The following CMTM8 variants were observed in gnomAD, a reference collection of about 807,000 sequenced individuals.
CMTM8 encodes the protein CKLF like MARVEL transmembrane domain containing 8.
CMTM8 carries 12 observed loss-of-function variants against 18.6 expected under a neutral mutation model. The observed-to-expected ratio is 0.65, with a 90% CI of 0.41 to 1.05. The LOEUF is 1.05. CMTM8 is among the 50% of genes least tolerant of loss of function. CMTM8 has a pLI of 0.00. For synonymous variants in CMTM8, 87 were observed against 90.6 expected, an observed-to-expected ratio of 0.96 and a Z score of 0.23; for missense variants, 217 against 227.2, an observed-to-expected ratio of 0.95 and a Z score of 0.29.
chr3:32,306,145 C>G (rs1695710708), intron 1 of CMTM8, among the ~76,000 whole-genome samples: 1 of 152,170 alleles, frequency 6.6e-6, no homozygotes, highest in Admixed American at 6.5e-5. Context: ...GTCTGCTGAT[C>G]TCAGCTGGTG....
chr3:32,345,496 G>A (rs934174337), intron 1 of CMTM8, among the ~76,000 whole-genome samples: 13 of 152,152 alleles, frequency 8.5e-5, no homozygotes, highest in Non-Finnish European at 1.9e-4. Context: ...GTCATCAAAA[G>A]GTTTAGCTGT....
intron 1 of CMTM8, among the ~76,000 whole-genome samples, chr3:32,350,285 C>G (rs1016463037): frequency 6.6e-6 from 1 of 151,904 alleles, no homozygotes; most frequent in Non-Finnish European, 1.5e-5. Context: ...TCTTGACTTA[C>G]CTGTTAACCA....
chr3:32,282,496 A>G (rs1702622702), intron 1 of CMTM8, among the ~76,000 whole-genome samples: 1 of 152,134 alleles, frequency 6.6e-6, no homozygotes, highest in African/African-American at 2.4e-5. Flanking sequence ...AAAAAAATAT[A>G]TACCCAGAAT....
intron 3 of CMTM8, among the ~76,000 whole-genome samples, chr3:32,368,665 T>G (rs1697092909): frequency 6.6e-6 from 1 of 152,130 alleles, no homozygotes; most frequent in Non-Finnish European, 1.5e-5. Flanking sequence ...TCTCACTATG[T>G]TGCACAGGCT....
intron 1 of CMTM8, among the ~76,000 whole-genome samples, chr3:32,243,112 C>CG (rs1266560329): frequency 3.3e-5 from 5 of 150,450 alleles, no homozygotes; most frequent in Admixed American, 3.3e-4. Flanking sequence ...GGGCTGGTCT[C>CG]GAATTCCTGA....
intron 1 of CMTM8, among the ~76,000 whole-genome samples, chr3:32,282,523 A>G (rs1019030049): frequency 5.3e-5 from 8 of 152,150 alleles, no homozygotes; most frequent in Admixed American, 3.9e-4. Flanking sequence ...AATTCTTACC[A>G]CCTGCAGTAT....
At chr3:32,312,986 G>T (rs1695849424) in intron 1 of CMTM8, among the ~76,000 whole-genome samples, 1 of 151,760 alleles carries the variant, frequency 6.6e-6, no homozygotes, top group South Asian at 2.1e-4. Context: ...AAATTATAAG[G>T]GTTTTAGGAG....
At chr3:32,252,461 G>A (rs911621204) in intron 1 of CMTM8, among the ~76,000 whole-genome samples, 1 of 152,096 alleles carries the variant, frequency 6.6e-6, no homozygotes, top group Non-Finnish European at 1.5e-5. Context: ...AAACTAATTT[G>A]AGGAGTTGAC....
chr3:32,295,484 C>A (rs77241102), intron 1 of CMTM8, among the ~76,000 whole-genome samples: 15,162 of 80,958 alleles, frequency 0.19, 1,591 homozygotes, highest in African/African-American at 0.32. Context: ...AAAAACAAAA[C>A]AAAACAGCGG....
chr3:32,279,504 G>T (rs1702574300), intron 1 of CMTM8, among the ~76,000 whole-genome samples: 2 of 111,712 alleles, frequency 1.8e-5, no homozygotes, highest in Admixed American at 1.9e-4. Flanking sequence ...CAAAGGACAT[G>T]AACTCATCAT....
At chr3:32,295,455 CAAAA>C (rs1400148634) in intron 1 of CMTM8, among the ~76,000 whole-genome samples, 23 of 27,546 alleles carry the variant, frequency 8.3e-4, no homozygotes, top group African/African-American at 1.3e-4. Context: ...GACTCCATCT[CAAAA>C]AAAAAAAAAA....
At chr3:32,306,861 G>T (rs1249793069) in intron 1 of CMTM8, among the ~76,000 whole-genome samples, 1 of 152,148 alleles carries the variant, frequency 6.6e-6, no homozygotes, top group Non-Finnish European at 1.5e-5. Context: ...GTCCTTGGGT[G>T]CCTCATTGGA....
chr3:32,294,979 TG>T (rs892688137), intron 1 of CMTM8, among the ~76,000 whole-genome samples: 5 of 151,962 alleles, frequency 3.3e-5, no homozygotes, highest in African/African-American at 1.2e-4. Flanking sequence ...CTCTTGAGCT[TG>T]GGAGGCGGAG....
chr3:32,259,062 G>T, intron 1 of CMTM8: 1 of 368,762 alleles, frequency 2.7e-6, no homozygotes. Context: ...GGCGCCGGAG[G>T]GCAGGGGGTG....
At chr3:32,244,312 C>G (rs1373012373) in intron 1 of CMTM8, among the ~76,000 whole-genome samples, 1 of 152,180 alleles carries the variant, frequency 6.6e-6, no homozygotes, top group Non-Finnish European at 1.5e-5. Context: ...GCCACAGTCT[C>G]CTGAGGAACT....
chr3:32,283,606 G>T (rs979068860), intron 1 of CMTM8, among the ~76,000 whole-genome samples: 6 of 152,090 alleles, frequency 3.9e-5, no homozygotes, highest in Non-Finnish European at 5.9e-5. Flanking sequence ...CCGTCATATG[G>T]GTCTCTCCTA....
intron 1 of CMTM8, among the ~76,000 whole-genome samples, chr3:32,252,995 C>CATGAGCAG (rs1382333997): frequency 1.3e-5 from 2 of 152,080 alleles, no homozygotes; most frequent in Non-Finnish European, 2.9e-5. Context: ...GGGAATGGAC[C>CATGAGCAG]TAGGAGATAG....
At chr3:32,246,414 G>T (rs566488708) in intron 1 of CMTM8, among the ~76,000 whole-genome samples, 4 of 152,002 alleles carry the variant, frequency 2.6e-5, no homozygotes, top group African/African-American at 4.8e-5. Flanking sequence ...AGCAGCTCTC[G>T]GCACACTGCT....
intron 1 of CMTM8, among the ~76,000 whole-genome samples, chr3:32,254,066 G>A (rs769916167): frequency 2.6e-5 from 4 of 151,900 alleles, no homozygotes; most frequent in Non-Finnish European, 4.4e-5. Context: ...GCTAATTTTT[G>A]TATTTTTAGT....
Sources: allele counts gnomAD v4.1 joint callset (sites outside exome capture counted in the v4.1 genomes callset), GRCh38; gene constraint gnomAD v4.1.1; transcripts MANE v1.5; gene names NCBI Gene and HGNC (gene_info 2026-07-23, HGNC 2026-07-21).